The following AATK variants were observed in gnomAD, a reference collection of about 807,000 sequenced individuals.
The protein encoded by AATK is lemur tail kinase 1, also known as serine/threonine-protein kinase LMTK1.
Under a neutral mutation model 114.3 loss-of-function variants are expected in AATK, and 91 were observed. The observed-to-expected ratio is 0.80, with a 90% confidence interval of 0.67 to 0.95. The LOEUF (loss-of-function observed/expected upper bound fraction) is 0.95. Ranked by LOEUF, AATK falls within the 40% of genes least tolerant of loss-of-function variation. The probability of loss-of-function intolerance (pLI) is 0.00; values close to 1 mark genes in which losing one functional copy is unlikely to be tolerated. For missense variants in AATK, 2,176 were observed against 1,965.2 expected (o/e 1.11, Z -2.03); for synonymous variants, 1,075 against 916.5 (o/e 1.17, Z -3.12).
chr17:81,122,782 C>G lies in AATK; in HGVS notation c.1154G>C (p.Arg385Pro). Residue 385 changes from arginine to proline, a missense_variant, in exon 11 of 14, where the codon CGG becomes CCG. Arg to Pro is a moderately radical substitution (Grantham distance 103). This residue lies in a region of AATK where 273 missense variants were observed against 344.1 expected (regional missense o/e 0.79). Coordinates refer to ENST00000326724, the MANE Select transcript of AATK (RefSeq NM_001080395.3). ...MQFCWLQPEQ[R>P]PTAEEVHLLL... ...CAGGTGCACCTCCTCGGCTGTGGGCCGCTGCTCGGGCTGCAGCCAGCAGAA... is the reference window on the plus strand; with the variant it reads ...CAGGTGCACCTCCTCGGCTGTGGGCGGCTGCTCGGGCTGCAGCCAGCAGAA... The G allele has an allele frequency of 1.3e-6, 2 of 1,589,360 alleles. No homozygotes were observed. The highest frequency in any genetic ancestry group is 1.7e-6 in the Non-Finnish European group (2 of 1,169,506).
intron 1 of AATK, among the ~76,000 whole-genome samples, chr17:81,145,234 C>CAAAAAAAAAAAAAAAAAAA (rs761538299): frequency 1.7e-5 from 2 of 121,094 alleles, no homozygotes; most frequent in African/African-American, 3.0e-5. Context: ...GAGACTCCAT[C>CAAAAAAAAAAAAAAAAAAA]AAAAAAAAAA....
chr17:81,119,000 TGGGCACCGTGGGGCCG>T (rs766412892), intron 13 of AATK, among the ~76,000 whole-genome samples: 45 of 152,256 alleles, frequency 3.0e-4, no homozygotes, highest in East Asian at 5.8e-4. Context: ...GGGCTCCACC[TGGGCACCGTGGGGCCG>T]GGGCACCGTG....
chr17:81,119,863 C>T, intron 12 of AATK, 73 bp downstream of exon 12: 2 of 1,393,636 alleles, frequency 1.4e-6, no homozygotes, highest in Non-Finnish European at 1.9e-6. Context: ...ACACATTAGG[C>T]CCCGCCTCCC....
At chr17:81,138,953 CCCCACACGTGCGCGCGCACCCACA>C (rs1339280279) in intron 1 of AATK, among the ~76,000 whole-genome samples, 25 of 151,016 alleles carry the variant, frequency 1.7e-4, no homozygotes, top group African/African-American at 4.4e-4. Flanking sequence ...CATGCACACC[CCCCACACGTGCGCGCGCACCCACA>C]CCCACACGTG....
intron 1 of AATK, among the ~76,000 whole-genome samples, chr17:81,160,584 A>G (rs1400203165): frequency 1.3e-5 from 2 of 152,158 alleles, no homozygotes; most frequent in Non-Finnish European, 2.9e-5. Context: ...CCCTCCTGTC[A>G]CTGTGGCCTG....
At position 81,155,045 on chromosome 17, in the gene AATK, G is replaced by C. The variant is rs567527668; in HGVS notation, c.55+10893C>G. 3.0e-3 allele frequency among the ~76,000 whole-genome samples: 456 copies of C among 152,342 alleles called. 2 individuals carry two copies. Among genetic ancestry groups the C allele is most frequent in the Non-Finnish European group, 4.2e-3 (284 of 68,042 alleles). ...TGAACTGCGTGGAGACCTTTGGAGG[G>C]TTCTCATTCATCTTTGCACTTTTTG... On this transcript the variant is annotated intron_variant, in intron 1 of 13. Transcript: ENST00000326724.
rs2146287760 is a variant in AATK at position 81,122,013 on chromosome 17, G to A, written c.1923C>T (p.Asp641=). The A allele has an allele frequency of 1.2e-6, 2 of 1,601,286 alleles. No homozygotes were observed. The highest frequency in any genetic ancestry group is 1.3e-5 in the African/African-American group (1 of 75,046). ...VAAFCPAFFE[D]PLGTSPLGSS... ...TCCCCAAAGGGGACGTGCCCAGTGG[G>A]TCCTCGAAGAAGGCAGGACAGAAGG... The change falls in exon 11 of 14, where the codon GAC becomes GAT. Residue 641 remains aspartate (D), a synonymous_variant. Transcript: ENST00000326724.
At position 81,126,473 on chromosome 17, in the gene AATK, C is replaced by T; in HGVS notation, c.709G>A (p.Val237Met). ...PRTLQRMACE[V>M]ACGVLHLHRN... ...TGAAGGTGCAGGACGCCACAGGCCA[C>T]CTCACAGGCCATGCGCTGCAGGGTC... Residue 237 changes from valine (V) to methionine (M), a missense_variant, in exon 7 of 14, where the codon GTG becomes ATG. By Grantham distance (21) the Val-to-Met change is conservative. This residue lies in a region of AATK where 273 missense variants were observed against 344.1 expected (regional missense o/e 0.79). Transcript: ENST00000326724. This position sits in a 1 kb window ranked among gnomAD's most constrained non-coding sequence, Gnocchi z 5.1. The T allele has an allele frequency of 1.3e-6, 2 of 1,557,632 alleles. No homozygotes were observed. Among genetic ancestry groups the T allele is most frequent in the Non-Finnish European group, 1.7e-6 (2 of 1,150,858 alleles).
intron 1 of AATK, among the ~76,000 whole-genome samples, chr17:81,140,729 G>GA (rs577478051): frequency 2.7e-4 from 24 of 87,430 alleles, no homozygotes; most frequent in South Asian, 8.7e-4. Flanking sequence ...GGGGCTGTGA[G>GA]CCGTGGGGCC....
Position 81,121,419 on chromosome 17 carries a change from C to T in AATK, c.2517G>A (p.Lys839=). The change falls in exon 11 of 14, where the codon AAG becomes AAA. Residue 839 remains lysine, a synonymous_variant. Transcript: ENST00000326724. ...TGCTGCCATTCAGGGCAGAAGCCAG[C>T]TTGATGGCAGACACCTCGCCACCAG... The part of the protein sequence containing the change: ...PATGGEVSAI[K]LASALNGSSS... 3 of 1,605,876 alleles carry T rather than the reference C, an allele frequency of 1.9e-6. No individual in the cohort carries two copies. The highest frequency in any genetic ancestry group is 2.5e-6 in the Non-Finnish European group (3 of 1,176,686).
intron 2 of AATK, chr17:81,132,972 C>T (rs1014209432): frequency 3.1e-5 from 9 of 294,090 alleles, no homozygotes; most frequent in South Asian, 5.2e-5. Context: ...TAGCCCCACT[C>T]GTCCCACCCA....
At chr17:81,118,837 G>A (rs1456034800) in intron 13 of AATK, among the ~76,000 whole-genome samples, 1 of 152,174 alleles carries the variant, frequency 6.6e-6, no homozygotes, top group East Asian at 1.9e-4. Flanking sequence ...GGAAGAGGAA[G>A]CTGGCAGGGG....
In AATK at chr17:81,121,754, G is replaced by T; in HGVS notation, c.2182C>A (p.Leu728Met). 6.6e-7 allele frequency: 1 copy of T among 1,515,196 alleles called. No individual in the cohort carries two copies. The highest frequency in any genetic ancestry group is 1.4e-5 in the African/African-American group (1 of 72,446). The allele number at this position is 1,515,196 out of a possible 1,614,324, so 93.9% of individuals were successfully genotyped here. A position where few individuals can be genotyped will look rare whatever the true frequency, so the allele number is the denominator to read the frequency against. The change falls in exon 11 of 14, where the codon CTG becomes ATG. Residue 728 changes from leucine (L) to methionine (M), a missense_variant. Leu to Met is a conservative substitution (Grantham distance 15). This residue lies in a region of AATK where 1,701 missense variants were observed against 1,394.7 expected (regional missense o/e 1.22). Transcript: ENST00000326724. The stretch of plus-strand genomic sequence containing the variant: ...GCAGAGGCTGCCTGGAGCCCAAGCA[G>T]AGGCTCTCCAGGGTACCCCGGCTCG... Reference protein sequence around the residue: ...SPEPGYPGEPLLGLQAASAQE... With the variant: ...SPEPGYPGEPMLGLQAASAQE...
At chr17:81,131,901 C>A (rs1280108262) in intron 2 of AATK, 1 of 1,335,444 alleles carries the variant, frequency 7.5e-7, no homozygotes, top group Admixed American at 2.1e-5. Context: ...GGGCAGCCCA[C>A]CTGCCACCGC....
At chr17:81,134,616 G>C (rs2060983193) in intron 1 of AATK, 115 bp from the exon 2 acceptor site, 26 of 1,364,038 alleles carry the variant, frequency 1.9e-5, no homozygotes, top group Non-Finnish European at 2.6e-5. Flanking sequence ...CTGGGCCTCA[G>C]CACCCTGACC....
intron 9 of AATK, 46 bp downstream of exon 9, chr17:81,124,681 G>T (rs773209463): frequency 6.3e-7 from 1 of 1,598,332 alleles, no homozygotes; most frequent in South Asian, 1.1e-5. Context: ...GTGGGCAGGT[G>T]GCACTCGGCC....
At chr17:81,138,518 CCA>C (rs777083485) in intron 1 of AATK, among the ~76,000 whole-genome samples, 102 of 146,468 alleles carry the variant, frequency 7.0e-4, no homozygotes, top group Non-Finnish European at 1.2e-3. Context: ...CACAATGCAC[CCA>C]CACACGTGCA....
At position 81,122,318 on chromosome 17, in the gene AATK, C is replaced by A. The variant is rs1046128576; in HGVS notation, c.1618G>T (p.Ala540Ser). 4 of 1,508,720 alleles carry A rather than the reference C, an allele frequency of 2.7e-6. No individual in the cohort carries two copies. Among genetic ancestry groups the A allele is most frequent in the Admixed American group, 2.1e-5 (1 of 47,672 alleles). 93.5% of individuals were successfully genotyped at this position (1,508,720 alleles called of 1,614,324 possible). Residue 540 changes from alanine (A) to serine (S), a missense_variant, in exon 11 of 14, where the codon GCC becomes TCC. By Grantham distance (99) the Ala-to-Ser change is moderately conservative. Transcript: ENST00000326724. ...YFIRLEEAAP[A>S]AGHDPDCAGC... is the part of the protein sequence containing the mutation. ...GCGCAGTCAGGGTCGTGGCCGGCGG[C>A]GGGTGCGGCCTCCTCTAGGCGGATG...
intron 2 of AATK, chr17:81,132,093 T>C: frequency 8.6e-7 from 1 of 1,167,712 alleles, no homozygotes; most frequent in Admixed American, 2.8e-5. Flanking sequence ...CCAGGGCACA[T>C]TCCTGCGCTG....
Sources: gnomAD v4.1 joint callset for allele counts (sites outside exome capture counted in the v4.1 genomes callset) on GRCh38, gnomAD v4.1.1 for gene constraint, gnomAD v4.1.1 regional missense constraint, Gnocchi (gnomAD v3.1) non-coding constraint, MANE v1.5 for transcripts, NCBI Gene and HGNC (gene_info 2026-07-23, HGNC 2026-07-21) for gene names.